SLCO1A2: variants seen among roughly 807,000 people sequenced by gnomAD.
The protein encoded by SLCO1A2 is solute carrier organic anion transporter family member 1A2.
A neutral mutation model predicts 69.0 loss-of-function variants in SLCO1A2; 67 were observed. The observed-to-expected ratio is 0.97, with a 90% CI of 0.80 to 1.19. The LOEUF is 1.19. Among genes scored for constraint, SLCO1A2 ranks in the 50% most tolerant of loss-of-function variants. The pLI is 0.00. For missense variants in SLCO1A2, 787 were observed against 793.7 expected (o/e 0.99, Z 0.10); for synonymous variants, 260 against 265.9 (o/e 0.98, Z 0.22).
intron 4 of SLCO1A2, among the ~76,000 whole-genome samples, chr12:21,308,859 T>C (rs1376875058): frequency 6.6e-6 from 1 of 152,118 alleles, no homozygotes. Flanking sequence ...GTTGTTGTTA[T>C]TCCTCCCTCT....
In SLCO1A2 at chr12:21,405,509, G is replaced by A. The variant is rs1026796300; in HGVS notation, c.-312+12373C>T. Among the ~76,000 whole-genome samples the A allele has an allele frequency of 2.0e-5, 3 of 152,120 alleles. No individual in the cohort carries two copies. In the East Asian group the frequency reaches 5.8e-4, roughly 29 times the overall value. ...AAAAGAACAAAGCTTCAGGCATCAT[G>A]ATACCCAAACTTCAAACTATGCTAC... On this transcript the variant is annotated intron_variant, in intron 1 of 4. Transcript: ENST00000413682.
chr12:21,303,010 C>T (rs1948912035), intron 6 of SLCO1A2, among the ~76,000 whole-genome samples: 1 of 152,038 alleles, frequency 6.6e-6, no homozygotes, highest in Non-Finnish European at 1.5e-5. Flanking sequence ...AACTTTTAAC[C>T]TAGCTTTTAT....
chr12:21,381,794 CAAAAAGAAA>C (rs918276706), intron 1 of SLCO1A2, among the ~76,000 whole-genome samples: 3 of 150,660 alleles, frequency 2.0e-5, no homozygotes, highest in East Asian at 1.9e-4. Flanking sequence ...GACTCCGTCT[CAAAAAGAAA>C]AAAAAGAAAA....
intron 2 of SLCO1A2, among the ~76,000 whole-genome samples, chr12:21,322,811 T>C (rs1951797223): frequency 2.0e-5 from 3 of 152,302 alleles, no homozygotes; most frequent in South Asian, 4.1e-4. Context: ...TGGAATGCCT[T>C]TGGCTGAGAG....
chr12:21,291,141 C>T (rs550855701), intron 12 of SLCO1A2, among the ~76,000 whole-genome samples: 1 of 152,230 alleles, frequency 6.6e-6, no homozygotes, highest in East Asian at 1.9e-4. Flanking sequence ...TTGGATTAGT[C>T]AACATCACAA....
At chr12:21,299,770 G>GTATATGTGTGTGTATATA (rs1555112072) in intron 8 of SLCO1A2, among the ~76,000 whole-genome samples, 45 of 129,714 alleles carry the variant, frequency 3.5e-4, no homozygotes, top group East Asian at 4.2e-4. Context: ...ATATACGTGT[G>GTATATGTGTGTGTATATA]TATATATATA....
In SLCO1A2 at chr12:21,371,456, T is replaced by A. The variant is rs138894755; in HGVS notation, c.-63+2943A>T. Among the ~76,000 whole-genome samples, 291 of 152,286 alleles carry A rather than the reference T, an allele frequency of 1.9e-3. 1 individual carries two copies. Among genetic ancestry groups the A allele is most frequent in the African/African-American group, 6.7e-3 (279 of 41,542 alleles). ...TCACAGAAATATTAAAATTGTAGAA[T>A]CATTGAATAATTAGAACAAGGATTC... On this transcript the variant is annotated intron_variant, in intron 2 of 15. Transcript: ENST00000307378.
chr12:21,328,105 G>A (rs1482456276), intron 2 of SLCO1A2, among the ~76,000 whole-genome samples: 1 of 152,144 alleles, frequency 6.6e-6, no homozygotes, highest in African/African-American at 2.4e-5. Context: ...TCTCTTGCCT[G>A]CCACCGTGTA....
intron 8 of SLCO1A2, among the ~76,000 whole-genome samples, chr12:21,299,874 G>A (rs866022605): frequency 0.015 from 1,561 of 101,566 alleles, 28 homozygotes; most frequent in African/African-American, 0.049. Flanking sequence ...ATACGTGTGT[G>A]TATATATATA....
intron 2 of SLCO1A2, among the ~76,000 whole-genome samples, chr12:21,354,389 A>G (rs1938201055): frequency 6.6e-6 from 1 of 152,202 alleles, no homozygotes; most frequent in Non-Finnish European, 1.5e-5. Flanking sequence ...TTCTGCTGTG[A>G]TGAAACTTCT....
intron 1 of SLCO1A2, among the ~76,000 whole-genome samples, chr12:21,375,403 G>T (rs12811082): frequency 0.2 from 29,974 of 151,894 alleles, 3,143 homozygotes; most frequent in African/African-American, 0.27. Flanking sequence ...AAAATCTATG[G>T]GGAAAATGTG....
chr12:21,304,718 CT>C, intron 5 of SLCO1A2, 145 bp from the exon 6 acceptor site: 1 of 749,778 alleles, frequency 1.3e-6, no homozygotes, highest in Non-Finnish European at 2.1e-6. Context: ...GCAGTGACTT[CT>C]CAGGGCACCC....
intron 1 of SLCO1A2, among the ~76,000 whole-genome samples, chr12:21,411,610 A>G (rs1941908157): frequency 6.6e-6 from 1 of 152,174 alleles, no homozygotes; most frequent in Non-Finnish European, 1.5e-5. Context: ...GTAAAGTGGG[A>G]ATAATCTTAT....
chr12:21,409,196 T>C (rs1941869202), intron 1 of SLCO1A2, among the ~76,000 whole-genome samples: 2 of 152,198 alleles, frequency 1.3e-5, no homozygotes, highest in African/African-American at 2.4e-5. Context: ...TCTTTTCATA[T>C]TGGAAGATGA....
Position 21,357,291 on chromosome 12 carries a change from A to G in SLCO1A2, c.-63+17108T>C, listed in dbSNP as rs555519465. ...GTATAAAAAGGGGAAGTTTGGTCAC[A>G]GAGACACACACACAGGGATAATGCC... On this transcript the variant is annotated intron_variant, in intron 2 of 15. Transcript: ENST00000307378. 1.6e-4 allele frequency among the ~76,000 whole-genome samples: 24 copies of G among 152,342 alleles called. No individual in the cohort carries two copies. In the South Asian group the frequency reaches 4.3e-3, roughly 28 times the overall value.
chr12:21,273,606 G>A (rs1354407162), intron 14 of SLCO1A2, among the ~76,000 whole-genome samples: 1 of 152,112 alleles, frequency 6.6e-6, no homozygotes, highest in African/African-American at 2.4e-5. Flanking sequence ...AATCCAAGTA[G>A]CAGGATGAGG....
upstream of SLCO1A2, among the ~76,000 whole-genome samples, chr12:21,395,715 C>A (rs531059965): frequency 2.0e-5 from 3 of 152,154 alleles, no homozygotes; most frequent in East Asian, 1.9e-4. Flanking sequence ...GTCCCTGACC[C>A]CTGACCCCCG....
chr12:21,318,949 AG>A, intron 2 of SLCO1A2, 26 bp from the exon 3 acceptor site: 1 of 1,547,936 alleles, frequency 6.5e-7, no homozygotes, highest in Non-Finnish European at 8.7e-7. Flanking sequence ...AAGAAAACGT[AG>A]AAAAAATTAT....
intron 1 of SLCO1A2, among the ~76,000 whole-genome samples, chr12:21,403,877 G>C (rs1355261271): frequency 6.6e-6 from 1 of 151,988 alleles, no homozygotes; most frequent in Non-Finnish European, 1.5e-5. Context: ...CCTTTAACAA[G>C]TGTCTTGTAA....
Sources: gnomAD v4.1 joint callset for allele counts (sites outside exome capture counted in the v4.1 genomes callset) on GRCh38, gnomAD v4.1.1 for gene constraint, MANE v1.5 for transcripts, NCBI Gene and HGNC (gene_info 2026-07-23, HGNC 2026-07-21) for gene names.